The following KCNT2 variants were observed in gnomAD, a reference collection of about 807,000 sequenced individuals.
KCNT2 encodes potassium sodium-activated channel subfamily T member 2.
A neutral mutation model predicts 153.8 loss-of-function variants in KCNT2; 67 were observed. That is an observed-to-expected ratio of 0.44 (90% CI 0.36 to 0.53). The LOEUF is 0.53. Among genes scored for constraint, KCNT2 ranks in the 20% least tolerant of loss-of-function variants. KCNT2 has a pLI of 0.00. For missense variants in KCNT2, 975 were observed against 1,354.8 expected, an observed-to-expected ratio of 0.72 and a Z score of 4.40; for synonymous variants, 500 against 458.8, an observed-to-expected ratio of 1.09 and a Z score of -1.15.
In KCNT2 at chr1:196,434,393, C is replaced by T. The variant is rs1674431825; in HGVS notation, c.639-4636G>A. On this transcript the variant is annotated intron_variant, in intron 8 of 27. Coordinates refer to ENST00000294725, the MANE Select transcript of KCNT2 (RefSeq NM_198503.5). ...CTGATTATAGTTAAAATGTATATTT[C>T]TTAATTCAAATATATATTTTCTAGA... Among the ~76,000 whole-genome samples the T allele has an allele frequency of 2.0e-5, 3 of 152,042 alleles. No individual in the cohort carries two copies. In the South Asian group the frequency reaches 6.2e-4, roughly 32 times the overall value.
At chr1:196,570,523 A>C (rs1660655358) in intron 1 of KCNT2, among the ~76,000 whole-genome samples, 1 of 152,120 alleles carries the variant, frequency 6.6e-6, no homozygotes, top group Non-Finnish European at 1.5e-5. Context: ...TAAACTGAAA[A>C]GCTTGAAACT....
At chr1:196,514,884 C>T (rs1204428883) in intron 1 of KCNT2, among the ~76,000 whole-genome samples, 1 of 152,164 alleles carries the variant, frequency 6.6e-6, no homozygotes, top group East Asian at 1.9e-4. Flanking sequence ...ACCTCTCAGA[C>T]CAAGCAAGTC....
chr1:196,350,446 T>C (rs571072005), intron 14 of KCNT2, among the ~76,000 whole-genome samples: 33 of 152,348 alleles, frequency 2.2e-4, no homozygotes, highest in African/African-American at 7.0e-4. Context: ...TTTGCATTTC[T>C]CTGATGGCCA....
At chr1:196,286,224 A>C (rs1659644333) in intron 22 of KCNT2, among the ~76,000 whole-genome samples, 1 of 152,100 alleles carries the variant, frequency 6.6e-6, no homozygotes, top group Non-Finnish European at 1.5e-5. Context: ...TTGAAATCCT[A>C]ATCCCCAAGG....
intron 1 of KCNT2, among the ~76,000 whole-genome samples, chr1:196,513,753 A>G (rs1681829338): frequency 1.3e-5 from 2 of 152,136 alleles, no homozygotes; most frequent in Non-Finnish European, 2.9e-5. Context: ...TACTTATTAT[A>G]ATGTGTTGAA....
At chr1:196,391,202 T>G (rs982187743) in intron 13 of KCNT2, among the ~76,000 whole-genome samples, 2 of 151,322 alleles carry the variant, frequency 1.3e-5, no homozygotes, top group African/African-American at 4.8e-5. Context: ...ATTGACTTTT[T>G]TACAGGGTGA....
At chr1:196,320,920 A>G (rs1019770906) in intron 19 of KCNT2, among the ~76,000 whole-genome samples, 1 of 150,302 alleles carries the variant, frequency 6.7e-6, no homozygotes, top group Non-Finnish European at 1.5e-5. Context: ...AGTTCTTTGC[A>G]GTACCTTGCT....
chr1:196,555,075 G>T (rs1056280241), intron 1 of KCNT2, among the ~76,000 whole-genome samples: 1 of 151,186 alleles, frequency 6.6e-6, no homozygotes, highest in Admixed American at 6.6e-5. Flanking sequence ...CTAAGGTTTG[G>T]AGCATAACAA....
At chr1:196,466,327 G>A (rs1324350231) in intron 7 of KCNT2, among the ~76,000 whole-genome samples, 1 of 151,926 alleles carries the variant, frequency 6.6e-6, no homozygotes, top group Non-Finnish European at 1.5e-5. Flanking sequence ...ACAGCCCAAT[G>A]TTTCTGCAAG....
intron 1 of KCNT2, among the ~76,000 whole-genome samples, chr1:196,509,751 TAATA>T (rs1388362446): frequency 6.6e-6 from 1 of 152,148 alleles, no homozygotes; most frequent in African/African-American, 2.4e-5. Flanking sequence ...AGTAATGAAG[TAATA>T]AATGAATGAA....
chr1:196,326,324 T>C (rs980126171), intron 19 of KCNT2, among the ~76,000 whole-genome samples: 3 of 152,034 alleles, frequency 2.0e-5, no homozygotes, highest in Admixed American at 6.6e-5. Flanking sequence ...GATCAGTAAA[T>C]GCTTCTCTGA....
rs190199947 is a variant in KCNT2, at chr1:196,536,372, A to G, written c.96-44031T>C. 1.9e-3 allele frequency among the ~76,000 whole-genome samples: 284 copies of G among 152,352 alleles called. 1 individual carries two copies. The highest frequency in any genetic ancestry group is 6.7e-3 in the African/African-American group (278 of 41,590). On this transcript the variant is annotated intron_variant, in intron 1 of 27. Coordinates refer to ENST00000294725, the MANE Select transcript of KCNT2 (RefSeq NM_198503.5). ...CCCAGCTAACAGTGCAGATTATCAT[A>G]GGTGTCACTTTCTTAGTGATCACCA...
chr1:196,329,790 T>C (rs1191099531), intron 18 of KCNT2, among the ~76,000 whole-genome samples: 2 of 148,048 alleles, frequency 1.4e-5, no homozygotes, highest in Non-Finnish European at 3.0e-5. Context: ...TATATATGTG[T>C]ATATATGTAA....
At chr1:196,564,189 A>G (rs945015946) in intron 1 of KCNT2, among the ~76,000 whole-genome samples, 7 of 151,884 alleles carry the variant, frequency 4.6e-5, no homozygotes, top group African/African-American at 1.4e-4. Context: ...ACAAAATCAC[A>G]TACTAAAATT....
intron 22 of KCNT2, among the ~76,000 whole-genome samples, chr1:196,302,364 T>C (rs1017416165): frequency 6.6e-6 from 1 of 152,156 alleles, no homozygotes; most frequent in African/African-American, 2.4e-5. Context: ...ATATCATTCA[T>C]GGAACATTAT....
chr1:196,474,876 T>C (rs976393937), intron 5 of KCNT2, among the ~76,000 whole-genome samples: 1 of 152,216 alleles, frequency 6.6e-6, no homozygotes, highest in Non-Finnish European at 1.5e-5. Flanking sequence ...CCTGCACTTC[T>C]GTATGACAGA....
chr1:196,608,154 C>G, intron 1 of KCNT2, 61 bp downstream of exon 1: 2 of 1,479,150 alleles, frequency 1.4e-6, no homozygotes, highest in South Asian at 1.1e-5. Context: ...CACTTCGGCC[C>G]TCCCATTTCC....
chr1:196,344,033 G>C (rs1188247281), intron 14 of KCNT2, among the ~76,000 whole-genome samples: 1 of 152,120 alleles, frequency 6.6e-6, no homozygotes, highest in East Asian at 1.9e-4. Flanking sequence ...GCCCGCCTTG[G>C]CCTCCCAAAG....
chr1:196,590,455 A>G (rs559917607), intron 1 of KCNT2, among the ~76,000 whole-genome samples: 2 of 152,274 alleles, frequency 1.3e-5, no homozygotes, highest in East Asian at 1.9e-4. Flanking sequence ...TGGTCACTGC[A>G]ATGGAGGACG....
Sources: gnomAD v4.1 joint callset for allele counts (sites outside exome capture counted in the v4.1 genomes callset) on GRCh38, gnomAD v4.1.1 for gene constraint, MANE v1.5 for transcripts, NCBI Gene and HGNC (gene_info 2026-07-23, HGNC 2026-07-21) for gene names.